Variants in FMN1 observed in about 807,000 individuals in gnomAD.
The protein encoded by FMN1 is formin 1, also known as formin-1.
A neutral mutation model predicts 132.4 loss-of-function variants in FMN1; 110 were observed. That is an observed-to-expected ratio of 0.83 (90% CI 0.71 to 0.97). The LOEUF is 0.97. Ranked by LOEUF, FMN1 falls within the 50% of genes least tolerant of loss-of-function variation. FMN1 has a pLI of 0.00. For synonymous variants in FMN1, 722 were observed against 651.7 expected (o/e 1.11, Z -1.64); for missense variants, 1,792 against 1,705.3 (o/e 1.05, Z -0.90).
At chr15:32,984,802 C>G (rs912340993) in intron 7 of FMN1, among the ~76,000 whole-genome samples, 2 of 151,910 alleles carry the variant, frequency 1.3e-5, no homozygotes, top group African/African-American at 4.8e-5. Flanking sequence ...AGAATGTAAC[C>G]TTCATTGCAT....
At chr15:32,985,465 A>G (rs529577353) in intron 7 of FMN1, among the ~76,000 whole-genome samples, 1 of 152,226 alleles carries the variant, frequency 6.6e-6, no homozygotes, top group South Asian at 2.1e-4. Context: ...AATTCTTCCA[A>G]TATCCTAGTT....
At chr15:33,170,764 A>T (rs964965836) in intron 3 of FMN1, among the ~76,000 whole-genome samples, 2 of 152,332 alleles carry the variant, frequency 1.3e-5, no homozygotes, top group East Asian at 3.9e-4. Context: ...ATGCAGAGAA[A>T]AGGGAACTCA....
chr15:32,923,576 C>G (rs555694361), intron 10 of FMN1, among the ~76,000 whole-genome samples: 1 of 152,324 alleles, frequency 6.6e-6, no homozygotes, highest in South Asian at 2.1e-4. Context: ...GACTAGAAGT[C>G]TGTGATGCTA....
intron 10 of FMN1, among the ~76,000 whole-genome samples, 167 bp from the exon 11 acceptor site, chr15:32,910,702 G>T (rs1471577585): frequency 3.3e-5 from 5 of 152,236 alleles, no homozygotes; most frequent in African/African-American, 1.2e-4. Context: ...TCAAATGAAA[G>T]AAACCAAAAT....
At chr15:32,800,531 T>G (rs1567187013) in intron 18 of FMN1, among the ~76,000 whole-genome samples, 1 of 152,224 alleles carries the variant, frequency 6.6e-6, no homozygotes, top group Non-Finnish European at 1.5e-5. Context: ...TTATTTTGAC[T>G]ATAGCATGGG....
intron 16 of FMN1, among the ~76,000 whole-genome samples, chr15:32,874,404 T>C (rs1276271979): frequency 1.3e-5 from 2 of 152,008 alleles, no homozygotes; most frequent in Non-Finnish European, 2.9e-5. Flanking sequence ...AGGTATGTCA[T>C]GGATTGAAAA....
At chr15:32,854,034 T>C (rs2059069551) in intron 17 of FMN1, among the ~76,000 whole-genome samples, 1 of 152,234 alleles carries the variant, frequency 6.6e-6, no homozygotes, top group African/African-American at 2.4e-5. Flanking sequence ...ACTCAAGAAG[T>C]AGAAGAAATA....
chr15:33,068,025 A>G, intron 5 of FMN1: 1 of 1,444,008 alleles, frequency 6.9e-7, no homozygotes, highest in Non-Finnish European at 9.0e-7. Context: ...CACAGCAAAC[A>G]CACTTGGTCT....
chr15:33,119,740 TAA>T (rs1385677061), intron 4 of FMN1, among the ~76,000 whole-genome samples: 1 of 152,192 alleles, frequency 6.6e-6, no homozygotes, highest in Non-Finnish European at 1.5e-5. Flanking sequence ...TCTCATATTC[TAA>T]AAACTGTTTG....
intron 5 of FMN1, among the ~76,000 whole-genome samples, chr15:33,078,087 A>G (rs1256586210): frequency 6.6e-6 from 1 of 152,250 alleles, no homozygotes; most frequent in African/African-American, 2.4e-5. Flanking sequence ...GAAAAGGGAC[A>G]TATTGGGGTT....
At chr15:32,825,470 A>T (rs1168405660) in intron 17 of FMN1, among the ~76,000 whole-genome samples, 1 of 152,076 alleles carries the variant, frequency 6.6e-6, no homozygotes, top group African/African-American at 2.4e-5. Context: ...TGCTTCCTAT[A>T]ACTGGCTCCT....
In FMN1 at chr15:33,105,340, G is replaced by A. The variant is rs541489813; in HGVS notation, c.1868-16366C>T. Among the ~76,000 whole-genome samples, 11 of 152,250 alleles carry A rather than the reference G, an allele frequency of 7.2e-5. No individual in the cohort carries two copies. The South Asian group carries it at 2.1e-3, about 29-fold the overall frequency. On this transcript the variant is annotated intron_variant, in intron 4 of 20. Coordinates refer to ENST00000616417, the MANE Select transcript of FMN1 (RefSeq NM_001277313.2). ...AACGGACAATAAAAGGGTAGGGGTT[G>A]CAATTAATAGCTAGCATAATTTACC...
chr15:32,817,074 C>A (rs576201673), intron 17 of FMN1, among the ~76,000 whole-genome samples: 3 of 152,270 alleles, frequency 2.0e-5, no homozygotes, highest in Admixed American at 1.3e-4. Context: ...CAGCATCATA[C>A]CTTGACAAAG....
In FMN1 at chr15:33,153,056, G is replaced by A; in HGVS notation, c.1859C>T (p.Ser620Leu). 2.0e-6 allele frequency: 3 copies of A among 1,521,282 alleles called. No homozygotes were observed. The highest frequency in any genetic ancestry group is 2.6e-6 in the Non-Finnish European group (3 of 1,140,864). 94.2% of individuals were successfully genotyped at this position (1,521,282 alleles called of 1,614,324 possible). The part of the protein sequence containing the change: ...GKTTAEPQHQ[S>L]PPGISSEGFP... ...CTTAAACAGAGACTAACCTGGAGGTGACTGGTGCTGGGGCTCAGCTGTGGT... is the reference window on the plus strand; with the variant it reads ...CTTAAACAGAGACTAACCTGGAGGTAACTGGTGCTGGGGCTCAGCTGTGGT... Residue 620 changes from serine to leucine, a missense_variant, in exon 4 of 21, where the codon TCA becomes TTA. Ser to Leu is a moderately radical substitution (Grantham distance 145). Transcript: ENST00000616417.
At position 33,058,006 on chromosome 15, in the gene FMN1, C is replaced by T. The variant is rs1286064715; in HGVS notation, c.2161+6951G>A. 2.7e-5 allele frequency among the ~76,000 whole-genome samples: 4 copies of T among 149,526 alleles called. No individual in the cohort carries two copies. In the East Asian group the frequency reaches 5.8e-4, roughly 22 times the overall value. ...TATGATGGGGCTGGTGGTGGAAAGG[C>T]GTGGCGGGGCTGGTAGTGGAAAGGC... is the stretch of plus-strand genomic sequence containing the variant. On this transcript the variant is annotated intron_variant, in intron 6 of 20. Transcript: ENST00000616417.
At chr15:33,122,564 T>G (rs938165696) in intron 4 of FMN1, among the ~76,000 whole-genome samples, 1 of 152,236 alleles carries the variant, frequency 6.6e-6, no homozygotes, top group African/African-American at 2.4e-5. Flanking sequence ...AGGCCAATAT[T>G]CTGACATCAC....
intron 4 of FMN1, among the ~76,000 whole-genome samples, chr15:33,108,920 G>A (rs2039590556): frequency 6.6e-6 from 1 of 152,080 alleles, no homozygotes; most frequent in African/African-American, 2.4e-5. Flanking sequence ...TTACCACTCT[G>A]CCTCCCAATA....
intron 4 of FMN1, among the ~76,000 whole-genome samples, chr15:33,120,393 A>G (rs1962437293): frequency 6.6e-6 from 1 of 152,162 alleles, no homozygotes; most frequent in South Asian, 2.1e-4. Flanking sequence ...AGTTGTGCCC[A>G]TAGTGTTTAC....
intron 17 of FMN1, among the ~76,000 whole-genome samples, chr15:32,839,522 G>A (rs527260622): frequency 6.6e-6 from 1 of 152,260 alleles, no homozygotes; most frequent in East Asian, 1.9e-4. Context: ...CATGTGAAGA[G>A]CCATTAGCCA....
Sources: allele counts gnomAD v4.1 joint callset (sites outside exome capture counted in the v4.1 genomes callset), GRCh38; gene constraint gnomAD v4.1.1; transcripts MANE v1.5; gene names NCBI Gene and HGNC (gene_info 2026-07-23, HGNC 2026-07-21).